The following BBOF1 variants were observed in gnomAD, a reference collection of about 807,000 sequenced individuals.
BBOF1 encodes the protein basal body orientation factor 1, also known as basal body-orientation factor 1.
A neutral mutation model predicts 68.0 loss-of-function variants in BBOF1; 62 were observed. The observed-to-expected ratio is 0.91, with a 90% CI of 0.74 to 1.13. The LOEUF (loss-of-function observed/expected upper bound fraction) is 1.13. Among genes scored for constraint, BBOF1 ranks in the 50% most tolerant of loss-of-function variants. The pLI is 0.00. For missense variants in BBOF1, 534 were observed against 600.1 expected, an observed-to-expected ratio of 0.89 and a Z score of 1.15; for synonymous variants, 208 against 198.8, an observed-to-expected ratio of 1.05 and a Z score of -0.39.
At chr14:74,075,997 T>G (rs552844782) in intron 9 of BBOF1, among the ~76,000 whole-genome samples, 1 of 152,204 alleles carries the variant, frequency 6.6e-6, no homozygotes, top group Non-Finnish European at 1.5e-5. Context: ...TGTATGATTC[T>G]ACTTATGTAA....
At chr14:74,034,464 A>G (rs1254704205) in intron 4 of BBOF1, among the ~76,000 whole-genome samples, 1 of 152,228 alleles carries the variant, frequency 6.6e-6, no homozygotes, top group Admixed American at 6.5e-5. Context: ...ACAAACTACA[A>G]GTTCTTAGAA....
chr14:74,048,026 A>T lies in BBOF1; in HGVS notation c.744A>T (p.Lys248Asn), dbSNP rs1180779677. 1.9e-6 allele frequency: 3 copies of T among 1,613,392 alleles called. No homozygotes were observed. Among genetic ancestry groups the T allele is most frequent in the Non-Finnish European group, 2.5e-6 (3 of 1,179,758 alleles). Reference sequence around the variant, plus strand: ...TGAAGGAAACTGACGCTCTACAAAAAAACTCCCAGAAGTTGCAAGAGAGTC... The same window carrying T: ...TGAAGGAAACTGACGCTCTACAAAATAACTCCCAGAAGTTGCAAGAGAGTC... Reference protein sequence around the residue: ...YHLKETDALQKNSQKLQESHT... With the variant: ...YHLKETDALQNNSQKLQESHT... Residue 248 changes from lysine (K) to asparagine (N), a missense_variant, in exon 7 of 12, where the codon AAA (lysine) becomes AAT (asparagine). By Grantham distance (94) the Lys-to-Asn change is moderately conservative (BLOSUM62 0). Coordinates refer to ENST00000394009, the MANE Select transcript of BBOF1 (RefSeq NM_025057.3).
At chr14:74,028,978 C>T (rs1347776067) in intron 2 of BBOF1, among the ~76,000 whole-genome samples, 1 of 151,882 alleles carries the variant, frequency 6.6e-6, no homozygotes, top group East Asian at 1.9e-4. Context: ...AAAAGTTGAC[C>T]AGGTACTTCT....
At chr14:74,045,116 A>G (rs1403469400) in intron 5 of BBOF1, among the ~76,000 whole-genome samples, 3 of 152,192 alleles carry the variant, frequency 2.0e-5, no homozygotes, top group Admixed American at 6.6e-5. Flanking sequence ...TGACAAATAA[A>G]TGATACATGT....
chr14:74,068,551 C>T (rs928818051), downstream of BBOF1, among the ~76,000 whole-genome samples: 5 of 152,022 alleles, frequency 3.3e-5, no homozygotes, highest in East Asian at 5.8e-4. Context: ...CCATCCTGGC[C>T]AACATGGTGA....
In BBOF1 at chr14:74,047,911, G is replaced by T. The variant is rs373591957; in HGVS notation, c.648-19G>T. 1.9e-6 allele frequency: 3 copies of T among 1,577,664 alleles called. No individual in the cohort carries two copies. Among genetic ancestry groups the T allele is most frequent in the Non-Finnish European group, 2.6e-6 (3 of 1,165,060 alleles). On this transcript the variant is annotated intron_variant, in intron 6 of 11. Transcript: ENST00000394009. ...TCTAAAAGTTAGACCTGTGTTTTGA[G>T]ATCTTATATCTATTTCAGGCAATTG...
intron 8 of BBOF1, among the ~76,000 whole-genome samples, chr14:74,052,627 A>G (rs2060092918): frequency 1.3e-5 from 2 of 149,072 alleles, no homozygotes; most frequent in African/African-American, 5.0e-5. Flanking sequence ...CCTGGGCAAC[A>G]GAGCAAGACT....
chr14:74,078,272 A>G, exon 10 of BBOF1: 1 of 455,880 alleles, frequency 2.2e-6, no homozygotes, highest in South Asian at 1.5e-5. Flanking sequence ...AACCTAATGG[A>G]GAAGGTAGCC....
chr14:74,039,196 T>C (rs1212944420), intron 4 of BBOF1, among the ~76,000 whole-genome samples: 1 of 152,242 alleles, frequency 6.6e-6, no homozygotes, highest in South Asian at 2.1e-4. Flanking sequence ...AGTGAAGTCA[T>C]GATATAAATT....
intron 9 of BBOF1, among the ~76,000 whole-genome samples, chr14:74,077,571 T>C (rs2060625611): frequency 6.6e-6 from 1 of 152,102 alleles, no homozygotes; most frequent in South Asian, 2.1e-4. Flanking sequence ...CCTGGCTTTA[T>C]AGCCCACTCA....
chr14:74,036,923 C>A lies in BBOF1; in HGVS notation c.495+2752C>A, dbSNP rs148891626. Among the ~76,000 whole-genome samples the A allele has an allele frequency of 1.1e-3, 166 of 151,120 alleles. 1 individual carries two copies. The highest frequency in any genetic ancestry group is 0.01 in the Middle Eastern group (3 of 290). On this transcript the variant is annotated intron_variant, in intron 4 of 11. Transcript: ENST00000394009. ...CACTGTCTTTTATCTAAAATATATT[C>A]CTGGTAGATCTTGGCCCATTAAAAT... is the stretch of plus-strand genomic sequence containing the variant.
intron 9 of BBOF1, chr14:74,072,054 A>T (rs867760820): frequency 6.4e-7 from 1 of 1,566,424 alleles, no homozygotes; most frequent in Admixed American, 1.7e-5. Context: ...GAAGAATAAG[A>T]CTGGAGGAGA....
At chr14:74,026,096 G>T (rs1483582949) in intron 2 of BBOF1, among the ~76,000 whole-genome samples, 1 of 147,048 alleles carries the variant, frequency 6.8e-6, no homozygotes, top group African/African-American at 2.5e-5. Context: ...AGCCAAGATT[G>T]TGCCACTGCA....
intron 8 of BBOF1, chr14:74,055,049 A>T (rs1157672578): frequency 6.6e-6 from 1 of 152,382 alleles, no homozygotes; most frequent in East Asian, 1.9e-4. Context: ...TGTCATTTTC[A>T]TCTTTATGAT....
chr14:74,028,995 A>G (rs1234043115), intron 2 of BBOF1, among the ~76,000 whole-genome samples, 189 bp from the exon 3 acceptor site: 1 of 152,168 alleles, frequency 6.6e-6, no homozygotes. Context: ...TTCTGATGAT[A>G]GCCAGGTTTT....
chr14:74,029,303 C>G (rs2140976980), intron 3 of BBOF1, 54 bp downstream of exon 3: 1 of 1,171,150 alleles, frequency 8.5e-7, no homozygotes. Flanking sequence ...AGGTTTCTGG[C>G]AAGCTCAGGT....
At chr14:74,032,821 A>G (rs2059607558) in intron 3 of BBOF1, among the ~76,000 whole-genome samples, 1 of 152,018 alleles carries the variant, frequency 6.6e-6, no homozygotes, top group Non-Finnish European at 1.5e-5. Flanking sequence ...TAGGAGCTAG[A>G]TTGGACTTTT....
intron 3 of BBOF1, among the ~76,000 whole-genome samples, chr14:74,033,565 A>G (rs1377303349): frequency 4.6e-5 from 7 of 151,564 alleles, no homozygotes; most frequent in Non-Finnish European, 1.0e-4. Context: ...GTGAGACTCC[A>G]TCTCAAAAAA....
Position 74,022,897 on chromosome 14 carries a change from A to C in BBOF1, c.57-19A>C, listed in dbSNP as rs754584299. On this transcript the variant is annotated intron_variant, in intron 1 of 11. Transcript: ENST00000394009. ...TTGTATAAATAGTCATATACTGTCA[A>C]TATCCTCTTCCCATGCAGGAAGTTA... The C allele has an allele frequency of 6.9e-7, 1 of 1,439,164 alleles. No homozygotes were observed. Among genetic ancestry groups the C allele is most frequent in the Non-Finnish European group, 9.7e-7 (1 of 1,029,826 alleles). The allele number at this position is 1,439,164 out of a possible 1,614,324, so 89.1% of individuals were successfully genotyped here.
Sources: gnomAD v4.1 joint callset for allele counts (sites outside exome capture counted in the v4.1 genomes callset) on GRCh38, gnomAD v4.1.1 for gene constraint, MANE v1.5 for transcripts, NCBI Gene and HGNC (gene_info 2026-07-23, HGNC 2026-07-21) for gene names.